Variants in PKHD1L1 observed in about 807,000 individuals in gnomAD.
PKHD1L1 encodes fibrocystin-L.
A neutral mutation model predicts 462.9 loss-of-function variants in PKHD1L1; 434 were observed. The observed-to-expected ratio is 0.94, with a 90% CI of 0.87 to 1.02. PKHD1L1 has a LOEUF of 1.02. Ranked by LOEUF, PKHD1L1 falls within the 50% of genes least tolerant of loss-of-function variation. The pLI is 0.00. For synonymous variants in PKHD1L1, 1,781 were observed against 1,750.0 expected (o/e 1.02, Z -0.44); for missense variants, 5,202 against 5,096.1 (o/e 1.02, Z -0.63).
chr8:109,418,262 T>G (rs1303067063), intron 21 of PKHD1L1, among the ~76,000 whole-genome samples: 19 of 152,096 alleles, frequency 1.2e-4, no homozygotes, highest in Admixed American at 1.1e-3. Flanking sequence ...AAGAGCACCT[T>G]AACTTAATGT....
chr8:109,415,315 AT>A (rs1814093112), intron 21 of PKHD1L1, among the ~76,000 whole-genome samples: 1 of 152,024 alleles, frequency 6.6e-6, no homozygotes, highest in Non-Finnish European at 1.5e-5. Flanking sequence ...CCCCAACACT[AT>A]TTTCAAAATG....
At chr8:109,518,970 A>G (rs1469362494) in intron 73 of PKHD1L1, among the ~76,000 whole-genome samples, 2 of 152,136 alleles carry the variant, frequency 1.3e-5, no homozygotes, top group Admixed American at 1.3e-4. Context: ...AGGTGTAGCC[A>G]AGGGGTAGAC....
chr8:109,442,824 T>C (rs1216220855), intron 35 of PKHD1L1, 122 bp from the exon 36 acceptor site: 3 of 932,990 alleles, frequency 3.2e-6, no homozygotes, highest in African/African-American at 1.6e-5. Context: ...TTCATACACA[T>C]GAAAAATAAG....
intron 55 of PKHD1L1, 53 bp downstream of exon 55, chr8:109,480,192 T>G (rs1485922526): frequency 6.8e-7 from 1 of 1,478,210 alleles, no homozygotes; most frequent in African/African-American, 1.5e-5. Flanking sequence ...TTCTAAAATG[T>G]GTATTTACTC....
chr8:109,391,287 C>T (rs560505377), intron 9 of PKHD1L1, among the ~76,000 whole-genome samples: 56 of 152,266 alleles, frequency 3.7e-4, no homozygotes, highest in South Asian at 2.3e-3. Flanking sequence ...TAGGAAGCAG[C>T]ATTAGTGTGC....
chr8:109,415,645 A>T (rs1331432713), intron 21 of PKHD1L1, among the ~76,000 whole-genome samples: 3 of 151,844 alleles, frequency 2.0e-5, no homozygotes, highest in Non-Finnish European at 4.4e-5. Context: ...ATCTTAATTT[A>T]AAAAAAGGAG....
chr8:109,394,194 AAAAG>A (rs1207524677), intron 9 of PKHD1L1, among the ~76,000 whole-genome samples: 3 of 142,146 alleles, frequency 2.1e-5, no homozygotes, highest in Non-Finnish European at 4.6e-5. Context: ...AAAAAAAAAA[AAAAG>A]AAATCAACTT....
Position 109,410,613 on chromosome 8 carries a change from C to T in PKHD1L1, c.2085+635C>T, listed in dbSNP as rs573345026. Among the ~76,000 whole-genome samples, 5 of 152,176 alleles carry T rather than the reference C, an allele frequency of 3.3e-5. No homozygotes were observed. The South Asian group carries it at 1.0e-3, about 32-fold the overall frequency. The stretch of plus-strand genomic sequence containing the variant: ...CCCCCGTGATCAAATCACCTACCAA[C>T]AGGCCCTACCTCACACTTTGGGGAT... On this transcript the variant is annotated intron_variant, in intron 19 of 77. Coordinates refer to ENST00000378402, the MANE Select transcript of PKHD1L1 (RefSeq NM_177531.6).
intron 50 of PKHD1L1, among the ~76,000 whole-genome samples, chr8:109,471,871 C>T (rs1281295362): frequency 6.6e-6 from 1 of 152,006 alleles, no homozygotes; most frequent in Non-Finnish European, 1.5e-5. Flanking sequence ...TACACTTTTT[C>T]CATTTGACAC....
chr8:109,431,060 C>T (rs190883355), intron 27 of PKHD1L1, among the ~76,000 whole-genome samples: 1 of 151,644 alleles, frequency 6.6e-6, no homozygotes, highest in East Asian at 1.9e-4. Context: ...CTCCGCCTCC[C>T]AGGTTCAAGC....
intron 30 of PKHD1L1, 138 bp from the exon 31 acceptor site, chr8:109,438,186 A>G: frequency 1.6e-6 from 1 of 640,468 alleles, no homozygotes; most frequent in Non-Finnish European, 2.5e-6. Flanking sequence ...CTTTCTAAAT[A>G]TATGAAAACT....
At chr8:109,390,738 A>C (rs969209009) in intron 9 of PKHD1L1, among the ~76,000 whole-genome samples, 7 of 152,156 alleles carry the variant, frequency 4.6e-5, no homozygotes, top group Non-Finnish European at 1.0e-4. Flanking sequence ...TGTGTTATGG[A>C]AAAATATTAT....
chr8:109,446,953 G>C (rs953411078), intron 38 of PKHD1L1, among the ~76,000 whole-genome samples: 5 of 152,204 alleles, frequency 3.3e-5, no homozygotes, highest in African/African-American at 1.2e-4. Context: ...TCCAGGTGCG[G>C]TGGCTCACGC....
rs773827297 is a variant in PKHD1L1 at position 109,429,395 on chromosome 8, A to G, written c.3056A>G (p.Lys1019Arg). 10 of 1,587,372 alleles carry G rather than the reference A, an allele frequency of 6.3e-6. No individual in the cohort carries two copies. The highest frequency in any genetic ancestry group is 8.6e-6 in the Non-Finnish European group (10 of 1,160,362). ...GCTAATATGACAGTTACAAGGATAA[A>G]GGAAGGTGGCTTATTCAGACAACAT... Reference protein sequence around the residue: ...EKANMTVTRIKEGGLFRQHVL... With the variant: ...EKANMTVTRIREGGLFRQHVL... Residue 1019 changes from lysine (K) to arginine (R), a missense_variant, in exon 26 of 78, where the codon AAG becomes AGG. Transcript: ENST00000378402.
intron 23 of PKHD1L1, among the ~76,000 whole-genome samples, chr8:109,424,268 C>T (rs1358000313): frequency 6.6e-6 from 1 of 152,146 alleles, no homozygotes. Flanking sequence ...ATTCACATTG[C>T]ATATACTGTA....
chr8:109,471,732 A>G (rs1817732752), intron 50 of PKHD1L1, among the ~76,000 whole-genome samples: 1 of 152,214 alleles, frequency 6.6e-6, no homozygotes, highest in Admixed American at 6.6e-5. Context: ...TTCACTGTTT[A>G]CAAATGTTCT....
chr8:109,373,733 T>C (rs987404729), intron 2 of PKHD1L1, among the ~76,000 whole-genome samples: 4 of 152,202 alleles, frequency 2.6e-5, no homozygotes, highest in Non-Finnish European at 5.9e-5. Context: ...TCAAAGAACA[T>C]CTTTATTTCT....
rs946475696 is a variant in PKHD1L1 at position 109,475,065 on chromosome 8, G to T, written c.8606-53G>T. On this transcript the variant is annotated intron_variant, in intron 50 of 77. Coordinates refer to ENST00000378402, the MANE Select transcript of PKHD1L1 (RefSeq NM_177531.6). Reference sequence around the variant, plus strand: ...TTTGCACTTGTTTACAAAAGGAGGAGTTTATTAGAGGTAGAGATTACTATT... The same window carrying T: ...TTTGCACTTGTTTACAAAAGGAGGATTTTATTAGAGGTAGAGATTACTATT... 2.7e-6 allele frequency: 4 copies of T among 1,488,098 alleles called. No homozygotes were observed. The Admixed American group carries it at 9.1e-5, about 34-fold the overall frequency. 92.2% of individuals were successfully genotyped at this position (1,488,098 alleles called of 1,614,324 possible). A position where few individuals can be genotyped will look rare whatever the true frequency, so the allele number is the denominator to read the frequency against.
At position 109,507,837 on chromosome 8, in the gene PKHD1L1, G is replaced by A. The variant is rs375130996; in HGVS notation, c.11169G>A (p.Ala3723=). 4.6e-5 allele frequency: 75 copies of A among 1,613,554 alleles called. No individual in the cohort carries two copies. The Middle Eastern group carries it at 8.2e-4, about 18-fold the overall frequency. Reference sequence around the variant, plus strand: ...TTGGAGACTACAGAATTCCTAAGGCGATGCTCACATTCTTGAATGGAAGTA... The same window carrying A: ...TTGGAGACTACAGAATTCCTAAGGCAATGCTCACATTCTTGAATGGAAGTA... ...VGIGDYRIPK[A]MLTFLNGSRI... The change falls in exon 69 of 78, where the codon GCG becomes GCA. Residue 3723 remains alanine, a synonymous_variant. Coordinates refer to ENST00000378402, the MANE Select transcript of PKHD1L1 (RefSeq NM_177531.6).
Sources: gnomAD v4.1 joint callset for allele counts (sites outside exome capture counted in the v4.1 genomes callset) on GRCh38, gnomAD v4.1.1 for gene constraint, MANE v1.5 for transcripts, NCBI Gene and HGNC (gene_info 2026-07-23, HGNC 2026-07-21) for gene names.